Variants in AUTS2 observed in about 807,000 individuals in gnomAD.
AUTS2 encodes autism susceptibility gene 2 protein.
Under a neutral mutation model 112.4 loss-of-function variants are expected in AUTS2, and 17 were observed. That is an observed-to-expected ratio of 0.15 (90% CI 0.10 to 0.23). AUTS2 has a LOEUF of 0.23. Ranked by LOEUF, AUTS2 falls within the 10% of genes least tolerant of loss-of-function variation. The pLI, the probability that AUTS2 is intolerant of heterozygous loss-of-function variation, is 1.00. For missense variants in AUTS2, 1,510 were observed against 1,701.6 expected (o/e 0.89, Z 1.98); for synonymous variants, 751 against 702.7 (o/e 1.07, Z -1.09).
intron 5 of AUTS2, among the ~76,000 whole-genome samples, chr7:70,588,117 C>T (rs1802767356): frequency 6.6e-6 from 1 of 152,176 alleles, no homozygotes; most frequent in South Asian, 2.1e-4. Flanking sequence ...TTGGGTTACA[C>T]TCGTAATGCT....
chr7:70,790,863 C>T lies in AUTS2; in HGVS notation c.3647C>T (p.Ala1216Val), dbSNP rs1279218604. The T allele has an allele frequency of 1.2e-6, 2 of 1,605,984 alleles. No individual in the cohort carries two copies. Among genetic ancestry groups the T allele is most frequent in the East Asian group, 2.2e-5 (1 of 44,824 alleles). ...CTCAACAAGACCCCTCCGACAGCAG[C>T]GCTGAGCGCACCTCCCCCGCTCATC... ...GLLNKTPPTAALSAPPPLIST... is the reference protein window; with the variant it reads ...GLLNKTPPTAVLSAPPPLIST... Residue 1216 changes from alanine to valine, a missense_variant, in exon 19 of 19, where the codon GCG becomes GTG. Around this residue, in one of 3 missense-constraint regions of AUTS2, gnomAD observed 788 missense variants for 797.6 expected, o/e 0.99. Transcript: ENST00000342771. The surrounding 1 kb of genome is among the most constrained non-coding windows in gnomAD (Gnocchi z 7.6).
intron 5 of AUTS2, among the ~76,000 whole-genome samples, chr7:70,454,708 T>C (rs1796665299): frequency 6.6e-6 from 1 of 152,128 alleles, no homozygotes; most frequent in Admixed American, 6.5e-5. Flanking sequence ...GCCTTTGAGT[T>C]TCTAACTCTG....
At chr7:70,637,413 A>G (rs1421121920) in intron 5 of AUTS2, among the ~76,000 whole-genome samples, 1 of 152,240 alleles carries the variant, frequency 6.6e-6, no homozygotes, top group Non-Finnish European at 1.5e-5. Flanking sequence ...CCAGAGTTAC[A>G]TAAATTCAAA....
Position 70,309,871 on chromosome 7 carries a change from C to G in AUTS2, c.661-125881C>G, listed in dbSNP as rs151001127. On this transcript the variant is annotated intron_variant, in intron 4 of 18. Coordinates refer to ENST00000342771, the MANE Select transcript of AUTS2 (RefSeq NM_015570.4). ...TCTTTGCAGCATGTTGCTTTTATTA[C>G]TTTTTGCCCACGGACCTAAGAGGGG... Among the ~76,000 whole-genome samples, 231 of 152,300 alleles carry G rather than the reference C, an allele frequency of 1.5e-3. 1 individual carries two copies. The East Asian group carries it at 0.016, about 11-fold the overall frequency.
intron 5 of AUTS2, among the ~76,000 whole-genome samples, chr7:70,578,928 T>TTC (rs1025684556): frequency 2.7e-5 from 4 of 147,090 alleles, no homozygotes; most frequent in East Asian, 2.0e-4. Flanking sequence ...TTTTCTTTCT[T>TTC]TTTTTTTTTT....
At chr7:70,354,186 G>A (rs1231377037) in intron 4 of AUTS2, among the ~76,000 whole-genome samples, 2 of 152,150 alleles carry the variant, frequency 1.3e-5, no homozygotes, top group African/African-American at 4.8e-5. Context: ...ACAAAGTCCT[G>A]GTACATCATC....
At chr7:69,721,785 T>G (rs940821238) in intron 1 of AUTS2, among the ~76,000 whole-genome samples, 1 of 152,188 alleles carries the variant, frequency 6.6e-6, no homozygotes. Flanking sequence ...AGGAATGATC[T>G]TCTAGGCTAT....
At chr7:69,658,767 G>A (rs1038959098) in intron 1 of AUTS2, among the ~76,000 whole-genome samples, 9 of 152,136 alleles carry the variant, frequency 5.9e-5, no homozygotes, top group Non-Finnish European at 1.0e-4. Context: ...CAGTATCTTT[G>A]TAGGCTCTTT....
chr7:70,216,154 T>C (rs1811153985), intron 4 of AUTS2, among the ~76,000 whole-genome samples: 1 of 152,230 alleles, frequency 6.6e-6, no homozygotes, highest in African/African-American at 2.4e-5. Flanking sequence ...TTTTGGGGTA[T>C]TACAGCTGTT....
chr7:69,771,931 T>G (rs1289815910), intron 1 of AUTS2, among the ~76,000 whole-genome samples: 2 of 151,916 alleles, frequency 1.3e-5, no homozygotes, highest in African/African-American at 2.4e-5. Context: ...ATTACAGGCA[T>G]GCACCACCAC....
At chr7:70,651,851 G>A (rs1314217769) in intron 5 of AUTS2, among the ~76,000 whole-genome samples, 1 of 152,028 alleles carries the variant, frequency 6.6e-6, no homozygotes, top group Non-Finnish European at 1.5e-5. Context: ...TGGTCATCTG[G>A]ATCCCAGAAA....
chr7:70,138,138 A>G (rs2129575155), intron 4 of AUTS2, among the ~76,000 whole-genome samples: 1 of 152,356 alleles, frequency 6.6e-6, no homozygotes, highest in East Asian at 1.9e-4. Context: ...AAGACTGCTT[A>G]GCAGCTTTTA....
At chr7:70,470,380 G>A (rs1316880203) in intron 5 of AUTS2, among the ~76,000 whole-genome samples, 1 of 152,178 alleles carries the variant, frequency 6.6e-6, no homozygotes, top group Non-Finnish European at 1.5e-5. Context: ...ATGGAAATAA[G>A]GATGTTTAAG....
At chr7:70,126,983 C>G (rs992483578) in intron 3 of AUTS2, among the ~76,000 whole-genome samples, 3 of 151,984 alleles carry the variant, frequency 2.0e-5, no homozygotes, top group Non-Finnish European at 4.4e-5. Flanking sequence ...TACACCACCA[C>G]GCCTGGCTAA....
chr7:69,979,867 A>G (rs556703346), intron 2 of AUTS2, among the ~76,000 whole-genome samples: 3 of 152,228 alleles, frequency 2.0e-5, no homozygotes, highest in Middle Eastern at 3.4e-3. Flanking sequence ...TTTAAATGCC[A>G]TTTTTGCCAT....
chr7:70,302,403 A>C (rs1789258466), intron 4 of AUTS2, among the ~76,000 whole-genome samples: 1 of 133,324 alleles, frequency 7.5e-6, no homozygotes, highest in Non-Finnish European at 1.6e-5. Flanking sequence ...ACCTTGTCTC[A>C]AAAAAAAAAC....
At chr7:69,711,854 G>A (rs934014722) in intron 1 of AUTS2, among the ~76,000 whole-genome samples, 1 of 152,116 alleles carries the variant, frequency 6.6e-6, no homozygotes, top group African/African-American at 2.4e-5. Flanking sequence ...TGCATTATGT[G>A]TGGTATTTTA....
chr7:70,724,443 C>CTATTTTTTTTTTT (rs1786890219), intron 6 of AUTS2, among the ~76,000 whole-genome samples: 1 of 101,386 alleles, frequency 9.9e-6, no homozygotes, highest in African/African-American at 3.4e-5. Context: ...TTCATCCTGA[C>CTATTTTTTTTTTT]TTTTTTTTTT....
At chr7:69,808,695 A>ATATAGCCCAAGCAGGAGC (rs1287245984) in intron 1 of AUTS2, among the ~76,000 whole-genome samples, 3 of 152,116 alleles carry the variant, frequency 2.0e-5, no homozygotes, top group Non-Finnish European at 2.9e-5. Context: ...CTCTCAGTGC[A>ATATAGCCCAAGCAGGAGC]TATAGCCCAA....
Sources: gnomAD v4.1 joint callset for allele counts (sites outside exome capture counted in the v4.1 genomes callset) on GRCh38, gnomAD v4.1.1 for gene constraint, gnomAD v4.1.1 regional missense constraint, Gnocchi (gnomAD v3.1) non-coding constraint, MANE v1.5 for transcripts, NCBI Gene and HGNC (gene_info 2026-07-23, HGNC 2026-07-21) for gene names.